Variants in TSNARE1 observed in about 807,000 individuals in gnomAD.
TSNARE1 encodes t-SNARE domain-containing protein 1.
Under a neutral mutation model 62.0 loss-of-function variants are expected in TSNARE1, and 49 were observed. The ratio of observed to expected loss-of-function variants is 0.79; its 90% CI spans 0.63 to 1.00. The LOEUF is 1.00. Among genes scored for constraint, TSNARE1 ranks in the 50% least tolerant of loss-of-function variants. The probability of loss-of-function intolerance (pLI) is 0.00; values close to 1 mark genes in which losing one functional copy is unlikely to be tolerated. For synonymous variants in TSNARE1, 328 were observed against 294.4 expected, an observed-to-expected ratio of 1.11 and a Z score of -1.17; for missense variants, 755 against 700.1, an observed-to-expected ratio of 1.08 and a Z score of -0.88.
rs1159574853 is a variant in TSNARE1, at chr8:142,222,923, T to TGAA, written c.*11+6549_*11+6550insTTC. ...ACTTACTCATCCACTCATTCACTCA[T>TGAA]TCACTCATCCACTCATTCACTCACT... is the stretch of plus-strand genomic sequence containing the variant. On this transcript the variant is annotated intron_variant, in intron 13 of 13. Coordinates refer to ENST00000524325, the MANE Select transcript of TSNARE1 (RefSeq NM_145003.5). 9.8e-4 allele frequency among the ~76,000 whole-genome samples: 49 copies of TGAA among 50,084 alleles called. 2 individuals are homozygous for TGAA. The highest frequency in any genetic ancestry group is 1.4e-3 in the Non-Finnish European group (28 of 19,648). The allele number at this position is 50,084 out of a possible 152,430, so 32.9% of individuals were successfully genotyped here. A position where few individuals can be genotyped will look rare whatever the true frequency, so the allele number is the denominator to read the frequency against.
rs67990630 is a variant in TSNARE1 at position 142,343,910 on chromosome 8, C to A, written c.745+56G>T. The A allele has an allele frequency of 0.23, 328,476 of 1,430,886 alleles. 43,430 individuals are homozygous for A. The highest frequency in any genetic ancestry group is 0.59 in the African/African-American group (39,817 of 67,808). The allele number at this position is 1,430,886 out of a possible 1,614,324, so 88.6% of individuals were successfully genotyped here. On this transcript the variant is annotated intron_variant, in intron 4 of 13. Coordinates refer to ENST00000524325, the MANE Select transcript of TSNARE1 (RefSeq NM_145003.5). ...GGGCAACATGGCCAAGATGGGCCCCCCCCTCCTGCTGGACAGAGTGGCACC... is the reference window on the plus strand; with the variant it reads ...GGGCAACATGGCCAAGATGGGCCCCACCCTCCTGCTGGACAGAGTGGCACC...
At chr8:142,263,432 T>C (rs1586894303) in intron 12 of TSNARE1, among the ~76,000 whole-genome samples, 2 of 152,356 alleles carry the variant, frequency 1.3e-5, no homozygotes, top group East Asian at 3.9e-4. Context: ...TGCAGTTTGC[T>C]AGTGTTTTCT....
In TSNARE1 at chr8:142,228,134, A is replaced by G. The variant is rs183625951; in HGVS notation, c.*11+1339T>C. Among the ~76,000 whole-genome samples the G allele has an allele frequency of 1.8e-3, 269 of 152,342 alleles. 1 individual carries two copies. Among genetic ancestry groups the G allele is most frequent in the African/African-American group, 5.9e-3 (246 of 41,568 alleles). ...CAGTTGAGTCTTCAGATGATGCAGC[A>G]ATGGCCAACATCTACCTACAGTCTC... is the stretch of plus-strand genomic sequence containing the variant. On this transcript the variant is annotated intron_variant, in intron 13 of 13. Coordinates refer to ENST00000524325, the MANE Select transcript of TSNARE1 (RefSeq NM_145003.5).
chr8:142,324,843 C>T (rs1225699508), intron 6 of TSNARE1, among the ~76,000 whole-genome samples: 4 of 152,230 alleles, frequency 2.6e-5, no homozygotes, highest in Admixed American at 6.5e-5. Context: ...AGTGGTTAAT[C>T]GGCGCTCCCG....
intron 12 of TSNARE1, among the ~76,000 whole-genome samples, chr8:142,246,666 C>T (rs959682489): frequency 1.8e-4 from 28 of 152,246 alleles, no homozygotes; most frequent in African/African-American, 6.5e-4. Flanking sequence ...CCCTCGTCTT[C>T]CCCGTGGAGG....
intron 4 of TSNARE1, among the ~76,000 whole-genome samples, chr8:142,332,755 G>A (rs1027386189): frequency 6.6e-6 from 1 of 152,118 alleles, no homozygotes. Context: ...ACACAGAGGA[G>A]CAGAGCACAC....
At chr8:142,287,950 C>G (rs1435064415) in intron 10 of TSNARE1, among the ~76,000 whole-genome samples, 1 of 151,934 alleles carries the variant, frequency 6.6e-6, no homozygotes, top group South Asian at 2.1e-4. Context: ...TCTCGGGGAT[C>G]GTGGGGCTCC....
At chr8:142,253,728 C>A (rs1818290290) in intron 12 of TSNARE1, among the ~76,000 whole-genome samples, 1 of 152,250 alleles carries the variant, frequency 6.6e-6, no homozygotes, top group South Asian at 2.1e-4. Context: ...ACTTCATCCC[C>A]AAGTGGCAAT....
intron 12 of TSNARE1, among the ~76,000 whole-genome samples, chr8:142,251,869 C>T (rs1388205152): frequency 1.7e-4 from 24 of 139,104 alleles, no homozygotes; most frequent in Non-Finnish European, 1.6e-5. Context: ...CCGCCGCCCG[C>T]ATTCTCTGTC....
At chr8:142,298,724 CTA>C (rs1470516953) in intron 10 of TSNARE1, among the ~76,000 whole-genome samples, 6 of 152,222 alleles carry the variant, frequency 3.9e-5, no homozygotes, top group Non-Finnish European at 8.8e-5. Flanking sequence ...TCACGACACT[CTA>C]TGCCCCACAG....
chr8:142,362,255 C>T (rs542679772), intron 1 of TSNARE1, among the ~76,000 whole-genome samples: 2 of 152,332 alleles, frequency 1.3e-5, no homozygotes, highest in East Asian at 3.9e-4. Flanking sequence ...AGGACCCCAG[C>T]GGAGCTGTGG....
chr8:142,401,066 G>A (rs1393977410), intron 1 of TSNARE1, among the ~76,000 whole-genome samples: 1 of 152,206 alleles, frequency 6.6e-6, no homozygotes, highest in Non-Finnish European at 1.5e-5. Flanking sequence ...GTCGAGGCAT[G>A]TTTGTCTTTC....
rs142754271 is a variant in TSNARE1 at position 142,389,251 on chromosome 8, A to G, written c.-40+13853T>C. On this transcript the variant is annotated intron_variant, in intron 1 of 13. Coordinates refer to ENST00000524325, the MANE Select transcript of TSNARE1 (RefSeq NM_145003.5). ...CACACCATATACAAGAATCAACTCAAAATGGATTAAAGACAACCATTTAGT... is the reference window on the plus strand; with the variant it reads ...CACACCATATACAAGAATCAACTCAGAATGGATTAAAGACAACCATTTAGT... 1.1e-3 allele frequency among the ~76,000 whole-genome samples: 174 copies of G among 152,366 alleles called. 1 individual carries two copies. Among genetic ancestry groups the G allele is most frequent in the African/African-American group, 3.7e-3 (152 of 41,588 alleles).
chr8:142,226,942 C>T (rs1313609859), intron 13 of TSNARE1, among the ~76,000 whole-genome samples: 9 of 140,386 alleles, frequency 6.4e-5, no homozygotes, highest in African/African-American at 1.0e-4. Context: ...ACCCCAGTGA[C>T]AGCCAGGACC....
At chr8:142,223,324 A>ACTCATTCC (rs1816582666) in intron 13 of TSNARE1, among the ~76,000 whole-genome samples, 1 of 144,602 alleles carries the variant, frequency 6.9e-6, no homozygotes, top group Non-Finnish European at 1.5e-5. Context: ...TCACTCATTC[A>ACTCATTCC]CTCACTCGTT....
intron 6 of TSNARE1, among the ~76,000 whole-genome samples, chr8:142,325,862 G>C (rs1021521941): frequency 6.6e-6 from 1 of 151,890 alleles, no homozygotes; most frequent in Admixed American, 6.6e-5. Context: ...CAGCACCAGT[G>C]AAGGGGAGGG....
At chr8:142,327,023 G>A (rs1830374236) in intron 6 of TSNARE1, among the ~76,000 whole-genome samples, 1 of 152,184 alleles carries the variant, frequency 6.6e-6, no homozygotes, top group Non-Finnish European at 1.5e-5. Flanking sequence ...TGGCGGGGGT[G>A]TAAAATGGGG....
chr8:142,288,588 G>A (rs879315069), intron 10 of TSNARE1, among the ~76,000 whole-genome samples: 5 of 152,240 alleles, frequency 3.3e-5, no homozygotes, highest in Non-Finnish European at 7.3e-5. Context: ...CCGAGGATGC[G>A]GCTGACAGGA....
In TSNARE1 at chr8:142,354,718, A is replaced by G. The variant is rs1483883037; in HGVS notation, c.7T>C (p.Tyr3His). Residue 3 changes from tyrosine (Y) to histidine (H), a missense_variant, in exon 2 of 14, where the codon TAC (tyrosine) becomes CAC (histidine). By Grantham distance (83) the Tyr-to-His change is moderately conservative. Transcript: ENST00000524325. The part of the protein sequence containing the change: MS[Y>H]GSIARGGGLG... Reference sequence around the variant, plus strand: ...CCACCTCCACGGGCGATGGATCCGTATGACATCTTCTTACAGATGGCAGGG... The same window carrying G: ...CCACCTCCACGGGCGATGGATCCGTGTGACATCTTCTTACAGATGGCAGGG... 1.2e-6 allele frequency: 2 copies of G among 1,613,278 alleles called. No homozygotes were observed. Among genetic ancestry groups the G allele is most frequent in the Admixed American group, 1.7e-5 (1 of 59,988 alleles).
Sources: allele counts gnomAD v4.1 joint callset (sites outside exome capture counted in the v4.1 genomes callset), GRCh38; gene constraint gnomAD v4.1.1; transcripts MANE v1.5; gene names NCBI Gene and HGNC (gene_info 2026-07-23, HGNC 2026-07-21).